GABPB2: variants seen among roughly 807,000 people sequenced by gnomAD.
GABPB2 encodes GA binding protein transcription factor subunit beta 2, also known as GA-binding protein subunit beta-2.
A neutral mutation model predicts 39.1 loss-of-function variants in GABPB2; 23 were observed. The observed-to-expected ratio is 0.59, with a 90% CI of 0.42 to 0.83. GABPB2 has a LOEUF of 0.83. Among genes scored for constraint, GABPB2 ranks in the 40% least tolerant of loss-of-function variants. The pLI is 0.00. For synonymous variants in GABPB2, 184 were observed against 199.3 expected (o/e 0.92, Z 0.65); for missense variants, 467 against 541.1 (o/e 0.86, Z 1.36).
At chr1:151,087,051 C>T (rs1434166921) in intron 1 of GABPB2, among the ~76,000 whole-genome samples, 3 of 151,998 alleles carry the variant, frequency 2.0e-5, no homozygotes, top group African/African-American at 4.8e-5. Context: ...GACAGGGTTT[C>T]ACTATGTCGG....
intron 1 of GABPB2, among the ~76,000 whole-genome samples, chr1:151,081,241 C>T (rs1677667617): frequency 6.6e-6 from 1 of 151,740 alleles, no homozygotes; most frequent in Admixed American, 6.6e-5. Context: ...ATAATCCCAG[C>T]ACTTTGGGAG....
chr1:151,115,048 C>T (rs1008966580), intron 7 of GABPB2, among the ~76,000 whole-genome samples: 6 of 152,128 alleles, frequency 3.9e-5, no homozygotes, highest in Non-Finnish European at 8.8e-5. Flanking sequence ...TTTCTATTCT[C>T]TGGGATAAAT....
chr1:151,100,235 C>G (rs796540995), intron 5 of GABPB2, among the ~76,000 whole-genome samples: 10 of 151,824 alleles, frequency 6.6e-5, no homozygotes, highest in African/African-American at 2.2e-4. Context: ...ACCTCCGCCT[C>G]CTGGGTTCAA....
chr1:151,096,410 G>A lies in GABPB2; in HGVS notation c.472-1442G>A, dbSNP rs149210361. 7.9e-3 allele frequency among the ~76,000 whole-genome samples: 1,197 copies of A among 151,846 alleles called. 17 individuals carry two copies. The highest frequency in any genetic ancestry group is 0.027 in the African/African-American group (1,123 of 41,446). On this transcript the variant is annotated intron_variant, in intron 4 of 8. Transcript: ENST00000368918. ...AGCCTGGGCGACAGAGTGGGACTCC[G>A]TCTCAAAAAAAAATAAAAAGAGAGA...
chr1:151,071,298 T>G (rs968786850), intron 1 of GABPB2, among the ~76,000 whole-genome samples: 1 of 152,128 alleles, frequency 6.6e-6, no homozygotes, highest in Non-Finnish European at 1.5e-5. Flanking sequence ...GGTTCCCATC[T>G]TTCAGACAGA....
chr1:151,093,385 A>T lies in GABPB2; in HGVS notation c.470A>T (p.Gln157Leu), dbSNP rs1377500722. Residue 157 changes from glutamine (Q) to leucine (L), a missense_variant and splice_region_variant, in exon 4 of 9, where the codon CAG becomes CTG. Coordinates refer to ENST00000368918, the MANE Select transcript of GABPB2 (RefSeq NM_144618.3). Reference sequence around the variant, plus strand: ...AATGCTGAGATTTTGGTCATCCTCCAGGTGTGGTTCTTTTTATACTCTCCA... The same window carrying T: ...AATGCTGAGATTTTGGTCATCCTCCTGGTGTGGTTCTTTTTATACTCTCCA... ...KNNAEILVILQEAMQNQVNVN... is the reference protein window; with the variant it reads ...KNNAEILVILLEAMQNQVNVN... 1.3e-6 allele frequency: 2 copies of T among 1,584,430 alleles called. No homozygotes were observed. Among genetic ancestry groups the T allele is most frequent in the Non-Finnish European group, 1.7e-6 (2 of 1,165,456 alleles).
At position 151,124,448 on chromosome 1, in the gene GABPB2, C is replaced by CT. The variant is rs587618305; in HGVS notation, c.*6209dup. On this transcript the variant is annotated 3_prime_UTR_variant, in exon 9 of 9. Transcript: ENST00000368918. ...AGGTGTGAGCCACCACGCCCAGCCT[C>CT]TTTTTTTTTTTTTTTTTCTCACCAG... 1,137 of 133,416 alleles carry CT rather than the reference C, an allele frequency of 8.5e-3. 4 individuals carry two copies. Among genetic ancestry groups the CT allele is most frequent in the Middle Eastern group, 0.016 (4 of 248 alleles). 8.3% of individuals were successfully genotyped at this position (133,416 alleles called of 1,614,324 possible).
intron 5 of GABPB2, among the ~76,000 whole-genome samples, chr1:151,098,487 C>A: frequency 6.9e-6 from 1 of 144,842 alleles, no homozygotes; most frequent in African/African-American, 2.6e-5. Flanking sequence ...GATGACAGAG[C>A]AAGACCCTGT....
intron 1 of GABPB2, among the ~76,000 whole-genome samples, chr1:151,087,087 T>C (rs1678268205): frequency 6.6e-6 from 1 of 151,932 alleles, no homozygotes; most frequent in Non-Finnish European, 1.5e-5. Context: ...ACTCCTGACC[T>C]CAGGTGATCT....
intron 3 of GABPB2, among the ~76,000 whole-genome samples, chr1:151,092,491 G>A (rs1437367631): frequency 6.6e-6 from 1 of 151,638 alleles, no homozygotes; most frequent in Admixed American, 6.6e-5. Context: ...GGCCTCAAGT[G>A]ATCCTTCCAT....
rs199640046 is a variant in GABPB2 at position 151,075,723 on chromosome 1, C to CAA, written c.-1+4795_-1+4796dup. Among the ~76,000 whole-genome samples, 7 of 151,646 alleles carry CAA rather than the reference C, an allele frequency of 4.6e-5. No homozygotes were observed. In the East Asian group the frequency reaches 5.8e-4, roughly 13 times the overall value. ...GACTTCATCTCAAAAAAACCCCCCC[C>CAA]AAAAAAACCCAAAAAAACACAAAAC... On this transcript the variant is annotated intron_variant, in intron 1 of 8. Transcript: ENST00000368918.
intron 1 of GABPB2, among the ~76,000 whole-genome samples, chr1:151,086,159 C>T (rs587692832): frequency 7.2e-5 from 11 of 152,094 alleles, no homozygotes; most frequent in Middle Eastern, 3.4e-3. Flanking sequence ...ATGGGAGGAT[C>T]CCATGAGCCC....
At chr1:151,080,235 A>C (rs768057907) in intron 1 of GABPB2, among the ~76,000 whole-genome samples, 6,541 of 147,808 alleles carry the variant, frequency 0.044, 318 homozygotes, top group African/African-American at 0.093. Context: ...AAAAAAAAAA[A>C]AAAAAAAAAC....
chr1:151,078,790 C>T (rs587738239), intron 1 of GABPB2, among the ~76,000 whole-genome samples: 5 of 151,882 alleles, frequency 3.3e-5, no homozygotes, highest in East Asian at 2.0e-4. Context: ...CAGGCGTGCA[C>T]CACCACACCT....
intron 7 of GABPB2, among the ~76,000 whole-genome samples, chr1:151,113,026 C>T (rs587624727): frequency 6.6e-6 from 1 of 151,852 alleles, no homozygotes; most frequent in East Asian, 1.9e-4. Context: ...ATGTGCCCAC[C>T]TCAGCCCCTA....
intron 1 of GABPB2, among the ~76,000 whole-genome samples, chr1:151,077,073 G>C (rs1266301404): frequency 6.6e-6 from 1 of 151,998 alleles, no homozygotes; most frequent in Non-Finnish European, 1.5e-5. Flanking sequence ...GATTACACTT[G>C]GTCTGATTAT....
rs1251803114 is a variant in GABPB2, at chr1:151,088,230, C to T, written c.41C>T (p.Ala14Val). Residue 14 changes from alanine to valine, a missense_variant, in exon 2 of 9, where the codon GCA becomes GTA. Coordinates refer to ENST00000368918, the MANE Select transcript of GABPB2 (RefSeq NM_144618.3). The stretch of plus-strand genomic sequence containing the variant: ...TTGGGAAAGAGGTTGCTAGAAGCAG[C>T]AAGAAAAGGCCAAGATGATGAAGTG... Reference protein sequence around the residue: ...VDLGKRLLEAARKGQDDEVRT... With the variant: ...VDLGKRLLEAVRKGQDDEVRT... 3 of 1,613,858 alleles carry T rather than the reference C, an allele frequency of 1.9e-6. No homozygotes were observed. In the African/African-American group the frequency reaches 4.0e-5, roughly 22 times the overall value.
intron 1 of GABPB2, among the ~76,000 whole-genome samples, chr1:151,073,877 G>A (rs1193767799): frequency 6.6e-6 from 1 of 151,432 alleles, no homozygotes; most frequent in South Asian, 2.1e-4. Context: ...CCAAGATCGC[G>A]CCACTGTACT....
chr1:151,086,630 C>T (rs1225580151), intron 1 of GABPB2, among the ~76,000 whole-genome samples: 1 of 151,920 alleles, frequency 6.6e-6, no homozygotes, highest in East Asian at 1.9e-4. Flanking sequence ...AGCTACTGGC[C>T]TAACGAGATC....
Sources: allele counts gnomAD v4.1 joint callset (sites outside exome capture counted in the v4.1 genomes callset), GRCh38; gene constraint gnomAD v4.1.1; transcripts MANE v1.5; gene names NCBI Gene and HGNC (gene_info 2026-07-23, HGNC 2026-07-21).